The following ATP2B2 variants were observed in gnomAD, a reference collection of about 807,000 sequenced individuals.
ATP2B2 encodes the protein ATPase plasma membrane Ca2+ transporting 2.
ATP2B2 carries 15 observed loss-of-function variants against 120.0 expected under a neutral mutation model. That is an observed-to-expected ratio of 0.12 (90% CI 0.08 to 0.19). The LOEUF is 0.19. Ranked by LOEUF, ATP2B2 falls within the 10% of genes least tolerant of loss-of-function variation. The pLI is 1.00. For synonymous variants in ATP2B2, 694 were observed against 700.3 expected (o/e 0.99, Z 0.14); for missense variants, 1,045 against 1,719.8 (o/e 0.61, Z 6.94).
rs2061291922 is a variant in ATP2B2, at chr3:10,373,229, T to C, written c.1417-1178A>G. ...AGAATTCTGTGGCACAGGAAAGGATTCTGGTAATCCATTTTGGCAACTGAA... is the reference window on the plus strand; with the variant it reads ...AGAATTCTGTGGCACAGGAAAGGATCCTGGTAATCCATTTTGGCAACTGAA... On this transcript the variant is annotated intron_variant, in intron 11 of 22. Coordinates refer to ENST00000360273, the MANE Select transcript of ATP2B2 (RefSeq NM_001001331.4). Among the ~76,000 whole-genome samples the C allele has an allele frequency of 2.0e-5, 3 of 152,236 alleles. No homozygotes were observed. The South Asian group carries it at 6.2e-4, about 31-fold the overall frequency.
Position 10,612,933 on chromosome 3 carries a change from C to T in ATP2B2, c.-415+6984G>A, listed in dbSNP as rs184239952. Among the ~76,000 whole-genome samples, 55 of 152,124 alleles carry T rather than the reference C, an allele frequency of 3.6e-4. 1 individual carries two copies. Among genetic ancestry groups the T allele is most frequent in the African/African-American group, 1.3e-3 (54 of 41,412 alleles). On this transcript the variant is annotated intron_variant, in intron 2 of 21. Coordinates refer to the ATP2B2 transcript ENST00000646379. The stretch of plus-strand genomic sequence containing the variant: ...GAGTATCTTTGTTATTCATGAACCC[C>T]TTAGAGTTTATGCTAAGAGATGAGA...
chr3:10,362,624 C>G (rs150779399), intron 12 of ATP2B2, among the ~76,000 whole-genome samples: 1 of 152,098 alleles, frequency 6.6e-6, no homozygotes, highest in East Asian at 1.9e-4. Flanking sequence ...GTGGATGGTA[C>G]GGGGGCCGTG....
chr3:10,666,971 CTA>C (rs2070957029), intron 1 of ATP2B2, among the ~76,000 whole-genome samples: 1 of 152,224 alleles, frequency 6.6e-6, no homozygotes, highest in African/African-American at 2.4e-5. Flanking sequence ...GCAACCAGGA[CTA>C]TTTCTTCCAC....
intron 1 of ATP2B2, among the ~76,000 whole-genome samples, chr3:10,649,370 C>T (rs2070394884): frequency 5.9e-5 from 9 of 152,194 alleles, no homozygotes; most frequent in Admixed American, 5.9e-4. Flanking sequence ...CTGGTATAGA[C>T]AGAACTCCCT....
At chr3:10,440,457 T>C (rs2063626279) in intron 2 of ATP2B2, among the ~76,000 whole-genome samples, 1 of 152,202 alleles carries the variant, frequency 6.6e-6, no homozygotes, top group Non-Finnish European at 1.5e-5. Context: ...TCTACAAAAA[T>C]GAATCTGTAG....
chr3:10,362,371 C>A (rs182073605), intron 12 of ATP2B2, among the ~76,000 whole-genome samples: 38 of 152,286 alleles, frequency 2.5e-4, no homozygotes, highest in Middle Eastern at 3.4e-3. Context: ...AGCTAGGGCT[C>A]GGGCCCAAAG....
chr3:10,431,753 A>T (rs2063323276), intron 2 of ATP2B2, among the ~76,000 whole-genome samples: 1 of 152,066 alleles, frequency 6.6e-6, no homozygotes, highest in South Asian at 2.1e-4. Flanking sequence ...TAACTTAAAA[A>T]AAAAAAAAGG....
At chr3:10,673,255 C>G (rs139884166) in intron 1 of ATP2B2, among the ~76,000 whole-genome samples, 2 of 152,278 alleles carry the variant, frequency 1.3e-5, no homozygotes, top group African/African-American at 4.8e-5. Flanking sequence ...AACCTGACAT[C>G]CAAAAGGATT....
At chr3:10,379,926 T>A (rs1010761683) in intron 8 of ATP2B2, among the ~76,000 whole-genome samples, 1 of 152,176 alleles carries the variant, frequency 6.6e-6, no homozygotes, top group Non-Finnish European at 1.5e-5. Flanking sequence ...CACCCAAGGA[T>A]GACCCCTTGC....
chr3:10,396,144 G>C (rs1434063151), intron 5 of ATP2B2, among the ~76,000 whole-genome samples: 1 of 152,248 alleles, frequency 6.6e-6, no homozygotes, highest in African/African-American at 2.4e-5. Context: ...AGTGGGAGCT[G>C]TTGGAGGGCT....
intron 1 of ATP2B2, chr3:10,626,140 G>A (rs955066396): frequency 6.6e-6 from 1 of 152,168 alleles, no homozygotes; most frequent in Non-Finnish European, 1.5e-5. Context: ...AACAACTGGA[G>A]TTTGGGAAAC....
intron 5 of ATP2B2, chr3:10,394,560 C>A (rs897551430): frequency 4.3e-6 from 2 of 462,000 alleles, no homozygotes; most frequent in Admixed American, 2.3e-5. Context: ...GGAGAGAGTG[C>A]GGGCCGAGTA....
chr3:10,439,739 G>A (rs181125759), intron 2 of ATP2B2, among the ~76,000 whole-genome samples: 143 of 152,014 alleles, frequency 9.4e-4, no homozygotes, highest in Non-Finnish European at 1.0e-3. Flanking sequence ...TATCAGGCCG[G>A]GCACAGTGGC....
At chr3:10,494,406 G>A (rs1365304744) in intron 1 of ATP2B2, among the ~76,000 whole-genome samples, 1 of 152,148 alleles carries the variant, frequency 6.6e-6, no homozygotes, top group East Asian at 1.9e-4. Flanking sequence ...AGGAAGTTAA[G>A]TCATTTGCTC....
rs917681689 is a variant in ATP2B2, at chr3:10,375,744, C to A, written c.1202-100G>T. 9 of 1,011,320 alleles carry A rather than the reference C, an allele frequency of 8.9e-6. No individual in the cohort carries two copies. The highest frequency in any genetic ancestry group is 1.4e-5 in the Non-Finnish European group (9 of 656,432). The allele number at this position is 1,011,320 out of a possible 1,614,324, so 62.6% of individuals were successfully genotyped here. On this transcript the variant is annotated intron_variant, in intron 10 of 22. Coordinates refer to ENST00000360273, the MANE Select transcript of ATP2B2 (RefSeq NM_001001331.4). The surrounding 1 kb of genome is among the most constrained non-coding windows in gnomAD (Gnocchi z 4.2). ...CTGAAAGAGCTCCGGGTCAGGCTGACCCCAGCTCACCTCCCAGCTCTGCCA... is the reference window on the plus strand; with the variant it reads ...CTGAAAGAGCTCCGGGTCAGGCTGAACCCAGCTCACCTCCCAGCTCTGCCA...
intron 12 of ATP2B2, among the ~76,000 whole-genome samples, chr3:10,362,479 C>T (rs971761505): frequency 2.6e-5 from 4 of 152,372 alleles, no homozygotes; most frequent in East Asian, 3.9e-4. Flanking sequence ...TGAACCTAAA[C>T]CAGGTCCTCA....
At chr3:10,448,893 C>T (rs73811903) in intron 2 of ATP2B2, among the ~76,000 whole-genome samples, 1,833 of 152,316 alleles carry the variant, frequency 0.012, 40 homozygotes, top group African/African-American at 0.041. Context: ...ACCGGGCCTG[C>T]ATGGTTGGAA....
upstream of ATP2B2, among the ~76,000 whole-genome samples, chr3:10,510,081 G>C (rs1369439122): frequency 6.6e-6 from 1 of 152,216 alleles, no homozygotes; most frequent in African/African-American, 2.4e-5. Flanking sequence ...TGGTAGATAA[G>C]GGTTCCCAGA....
chr3:10,341,855 G>A (rs777888309), intron 19 of ATP2B2, among the ~76,000 whole-genome samples: 2 of 152,090 alleles, frequency 1.3e-5, no homozygotes, highest in Non-Finnish European at 2.9e-5. Flanking sequence ...ACAGTAAAAT[G>A]TGTCCTGACA....
Sources: allele counts gnomAD v4.1 joint callset (sites outside exome capture counted in the v4.1 genomes callset), GRCh38; gene constraint gnomAD v4.1.1; non-coding constraint Gnocchi (gnomAD v3.1); transcripts MANE v1.5; gene names NCBI Gene and HGNC (gene_info 2026-07-23, HGNC 2026-07-21).